Variants in CFAP95 observed in about 807,000 individuals in gnomAD.
CFAP95 encodes the protein cilia- and flagella-associated protein 95.
chr9:69,900,149 T>G, the CFAP95 span, among the ~76,000 whole-genome samples: 1 of 152,124 alleles, frequency 6.6e-6, no homozygotes, highest in Admixed American at 6.5e-5. Flanking sequence ...TATAGGTGTG[T>G]GTGCATATAC....
chr9:69,895,473 G>T, the CFAP95 span, among the ~76,000 whole-genome samples: 2 of 151,248 alleles, frequency 1.3e-5, no homozygotes, highest in African/African-American at 2.4e-5. Context: ...CTGGCTCTCA[G>T]ATTCTACTAT....
chr9:69,861,730 C>CAAAA, the CFAP95 span, among the ~76,000 whole-genome samples: 36 of 86,824 alleles, frequency 4.1e-4, no homozygotes, highest in African/African-American at 5.9e-4. Flanking sequence ...TCTTATGAGT[C>CAAAA]AAAAAAAAAA....
the CFAP95 span, chr9:69,905,849 T>G: frequency 2.3e-6 from 2 of 859,476 alleles, no homozygotes; most frequent in East Asian, 3.2e-5. Flanking sequence ...TTGTTAAAAA[T>G]TAACCTTCAA....
chr9:69,848,243 G>A, the CFAP95 span, among the ~76,000 whole-genome samples: 1 of 152,194 alleles, frequency 6.6e-6, no homozygotes, highest in African/African-American at 2.4e-5. Context: ...TGTGCCTCTT[G>A]TGGATCCATT....
At chr9:69,904,359 T>C in the CFAP95 span, among the ~76,000 whole-genome samples, 2 of 152,260 alleles carry the variant, frequency 1.3e-5, no homozygotes, top group East Asian at 1.9e-4. Context: ...TTCTGTAGCA[T>C]GTATCGGTAT....
chr9:69,846,224 G>A, the CFAP95 span, among the ~76,000 whole-genome samples: 7 of 151,860 alleles, frequency 4.6e-5, no homozygotes, highest in Admixed American at 1.3e-4. Flanking sequence ...ACCTCATATC[G>A]TGGGGGAAGT....
the CFAP95 span, chr9:69,905,869 T>C: frequency 2.0e-6 from 2 of 1,014,550 alleles, no homozygotes; most frequent in East Asian, 3.0e-5. Context: ...ATCATAAGAA[T>C]AATATATGAA....
chr9:69,856,571 C>T, the CFAP95 span: 1 of 1,604,966 alleles, frequency 6.2e-7, no homozygotes, highest in Admixed American at 1.7e-5. Context: ...ACATCAGAAA[C>T]ACATGAAAAG....
chr9:69,826,180 T>C, the CFAP95 span, among the ~76,000 whole-genome samples: 11 of 152,300 alleles, frequency 7.2e-5, no homozygotes, highest in East Asian at 7.7e-4. Flanking sequence ...CTCTTCAGAC[T>C]TCCCCCCACC....
At chr9:69,901,372 C>T in the CFAP95 span, among the ~76,000 whole-genome samples, 3,308 of 152,128 alleles carry the variant, frequency 0.022, 124 homozygotes, top group African/African-American at 0.075. Flanking sequence ...CTCCTGACCT[C>T]GTGATCCACC....
chr9:69,826,627 G>A, the CFAP95 span, among the ~76,000 whole-genome samples: 2 of 152,048 alleles, frequency 1.3e-5, no homozygotes, highest in African/African-American at 4.8e-5. Flanking sequence ...TCAATCAAAA[G>A]CTTATTAACT....
At chr9:69,866,269 A>G in the CFAP95 span, among the ~76,000 whole-genome samples, 2 of 152,170 alleles carry the variant, frequency 1.3e-5, no homozygotes, top group African/African-American at 4.8e-5. Context: ...ATGTGCTTAC[A>G]TGGTTATGGA....
chr9:69,843,619 T>TTCG, the CFAP95 span, among the ~76,000 whole-genome samples: 1,048 of 57,826 alleles, frequency 0.018, 87 homozygotes, highest in Non-Finnish European at 0.024. Context: ...CTTCTTCTTC[T>TTCG]TCTTCTTCTT....
the CFAP95 span, among the ~76,000 whole-genome samples, chr9:69,824,398 G>A: frequency 1.2e-4 from 17 of 146,922 alleles, no homozygotes; most frequent in Non-Finnish European, 2.1e-4. Context: ...GCACTTTTGT[G>A]GTCATTTGTA....
At chr9:69,891,148 T>G in the CFAP95 span, among the ~76,000 whole-genome samples, 5 of 152,182 alleles carry the variant, frequency 3.3e-5, no homozygotes, top group Admixed American at 3.3e-4. Context: ...GAGAATTGTT[T>G]CACAATACAT....
chr9:69,871,678 A>G, the CFAP95 span, among the ~76,000 whole-genome samples: 1 of 152,016 alleles, frequency 6.6e-6, no homozygotes, highest in Non-Finnish European at 1.5e-5. Flanking sequence ...AGGCAATTGG[A>G]GGGTGATGGG....
chr9:69,896,375 A>C, the CFAP95 span, among the ~76,000 whole-genome samples: 1 of 152,352 alleles, frequency 6.6e-6, no homozygotes, highest in East Asian at 1.9e-4. Context: ...TAATCTTTAA[A>C]AGTCAATTTA....
chr9:69,829,044 A>G, the CFAP95 span, among the ~76,000 whole-genome samples: 2 of 152,164 alleles, frequency 1.3e-5, no homozygotes, highest in Admixed American at 6.5e-5. Context: ...TTGTTAGTTT[A>G]TGTTGGGTAA....
chr9:69,851,177 T>G, the CFAP95 span, among the ~76,000 whole-genome samples: 1 of 152,180 alleles, frequency 6.6e-6, no homozygotes, highest in Non-Finnish European at 1.5e-5. Context: ...AAACGAGACT[T>G]GAATTGGGCA....
Sources: gnomAD v4.1 joint callset for allele counts (sites outside exome capture counted in the v4.1 genomes callset) on GRCh38, gnomAD v4.1.1 for gene constraint, MANE v1.5 for transcripts, NCBI Gene and HGNC (gene_info 2026-07-23, HGNC 2026-07-21) for gene names.